RNF185: variants seen among roughly 807,000 people sequenced by gnomAD.
The protein encoded by RNF185 is ring finger protein 185.
Under a neutral mutation model 24.9 loss-of-function variants are expected in RNF185, and 13 were observed. That is an observed-to-expected ratio of 0.52 (90% CI 0.34 to 0.83). The LOEUF is 0.83. RNF185 is among the 40% of genes least tolerant of loss of function. The pLI, the probability that RNF185 is intolerant of heterozygous loss-of-function variation, is 0.01. For missense variants in RNF185, 184 were observed against 244.7 expected, an observed-to-expected ratio of 0.75 and a Z score of 1.65; for synonymous variants, 79 against 90.3, an observed-to-expected ratio of 0.88 and a Z score of 0.71.
rs759793719 is a variant in RNF185 at position 31,171,336 on chromosome 22, A to AT, written c.-49+11048dup. Among the ~76,000 whole-genome samples, 790 of 136,796 alleles carry AT rather than the reference A, an allele frequency of 5.8e-3. 5 individuals carry two copies. Among genetic ancestry groups the AT allele is most frequent in the Middle Eastern group, 0.038 (10 of 262 alleles). The allele number at this position is 136,796 out of a possible 152,430, so 89.7% of individuals were successfully genotyped here. On this transcript the variant is annotated intron_variant, in intron 1 of 6. Coordinates refer to ENST00000326132, the MANE Select transcript of RNF185 (RefSeq NM_152267.4). ...AGGCGCCCACCACTATGACCAGCTA[A>AT]TTTTTTTTTTTTTTTGGTGTTTTTA...
rs569842510 is a variant in RNF185, at chr22:31,202,856, C to T, written c.481+1241C>T. On this transcript the variant is annotated intron_variant, in intron 6 of 6. Coordinates refer to ENST00000326132, the MANE Select transcript of RNF185 (RefSeq NM_152267.4). ...GTCTCGATCTCCTGACCTCGTGATCCGCCCGCCTGGGCCTCCCAATGTGCT... is the reference window on the plus strand; with the variant it reads ...GTCTCGATCTCCTGACCTCGTGATCTGCCCGCCTGGGCCTCCCAATGTGCT... Among the ~76,000 whole-genome samples the T allele has an allele frequency of 4.0e-3, 610 of 152,246 alleles. 4 individuals are homozygous for T. Among genetic ancestry groups the T allele is most frequent in the South Asian group, 0.014 (66 of 4,832 alleles).
chr22:31,189,633 G>GTT (rs2048137055), intron 2 of RNF185, among the ~76,000 whole-genome samples: 1 of 145,916 alleles, frequency 6.9e-6, no homozygotes, highest in African/African-American at 2.6e-5. Flanking sequence ...TAGAGACGAA[G>GTT]TCTTGCTTTG....
intron 1 of RNF185, among the ~76,000 whole-genome samples, chr22:31,178,531 T>C (rs1242773384): frequency 2.0e-5 from 3 of 152,186 alleles, no homozygotes; most frequent in South Asian, 2.1e-4. Context: ...ACCAGATCTT[T>C]CGTGGGGTGA....
intron 2 of RNF185, 125 bp downstream of exon 2, chr22:31,187,395 A>C (rs1027390775): frequency 9.8e-7 from 1 of 1,018,528 alleles, no homozygotes; most frequent in African/African-American, 1.6e-5. Flanking sequence ...AAGGGACAAG[A>C]GACCTGAGTT....
At chr22:31,198,255 A>AT (rs1258520065) in intron 5 of RNF185, among the ~76,000 whole-genome samples, 1 of 151,584 alleles carries the variant, frequency 6.6e-6, no homozygotes. Flanking sequence ...GTTTTTTATT[A>AT]TTTTTTATTT....
chr22:31,197,913 G>T (rs2048222245), intron 5 of RNF185, among the ~76,000 whole-genome samples: 1 of 151,860 alleles, frequency 6.6e-6, no homozygotes, highest in Admixed American at 6.6e-5. Context: ...AAGATTACTG[G>T]CTAAAAAAAA....
chr22:31,163,756 C>T (rs1923732742), intron 1 of RNF185, among the ~76,000 whole-genome samples: 1 of 151,678 alleles, frequency 6.6e-6, no homozygotes, highest in South Asian at 2.1e-4. Flanking sequence ...TCACTGTAAC[C>T]TCCACCTCCC....
chr22:31,179,802 A>G (rs893748395), intron 1 of RNF185, among the ~76,000 whole-genome samples: 1 of 151,952 alleles, frequency 6.6e-6, no homozygotes, highest in African/African-American at 2.4e-5. Context: ...GGCCATGCAC[A>G]GCTTTGTTGG....
At chr22:31,181,911 A>G (rs1355118975) in intron 1 of RNF185, among the ~76,000 whole-genome samples, 1 of 151,918 alleles carries the variant, frequency 6.6e-6, no homozygotes, top group Non-Finnish European at 1.5e-5. Context: ...GTAAATGACG[A>G]GTTAATGGGT....
intron 3 of RNF185, among the ~76,000 whole-genome samples, chr22:31,194,284 C>CAA (rs767166717): frequency 5.9e-5 from 9 of 151,960 alleles, no homozygotes; most frequent in Non-Finnish European, 1.2e-4. Context: ...TAGGTGAATG[C>CAA]AAAAAATCAA....
chr22:31,201,466 C>G (rs772638437), intron 5 of RNF185, 32 bp from the exon 6 acceptor site: 47 of 1,523,176 alleles, frequency 3.1e-5, no homozygotes, highest in Non-Finnish European at 3.7e-5. Flanking sequence ...CTGCCTGATT[C>G]TCCTGCCCTT....
intron 1 of RNF185, among the ~76,000 whole-genome samples, chr22:31,170,314 G>A (rs1000130857): frequency 2.0e-5 from 3 of 151,584 alleles, no homozygotes; most frequent in Admixed American, 6.6e-5. Flanking sequence ...TCAGCCCCCC[G>A]AGTAGCTGGG....
chr22:31,167,122 T>C (rs1172615272), intron 1 of RNF185, among the ~76,000 whole-genome samples: 1 of 152,212 alleles, frequency 6.6e-6, no homozygotes, highest in Non-Finnish European at 1.5e-5. Context: ...TCTTAAAATT[T>C]TTTTTATTGT....
intron 5 of RNF185, among the ~76,000 whole-genome samples, chr22:31,198,976 T>C (rs2048236020): frequency 6.6e-6 from 1 of 151,240 alleles, no homozygotes; most frequent in Non-Finnish European, 1.5e-5. Context: ...GGCATGTGCC[T>C]GTAGTCCCAG....
At chr22:31,174,111 C>A (rs1334321995) in intron 1 of RNF185, among the ~76,000 whole-genome samples, 1 of 152,170 alleles carries the variant, frequency 6.6e-6, no homozygotes, top group African/African-American at 2.4e-5. Flanking sequence ...TGTTTTATCT[C>A]TATTTCTTAG....
At chr22:31,181,394 G>C (rs1333797143) in intron 1 of RNF185, among the ~76,000 whole-genome samples, 1 of 151,958 alleles carries the variant, frequency 6.6e-6, no homozygotes, top group Non-Finnish European at 1.5e-5. Context: ...CACACACACA[G>C]ACTATTACAG....
chr22:31,205,788 G>T lies in RNF185; in HGVS notation c.*1202G>T, dbSNP rs181903594. On this transcript the variant is annotated 3_prime_UTR_variant, in exon 7 of 7. Transcript: ENST00000326132. ...TGTAAAGCCAGGTGGCAGGGCCTTG[G>T]GGAGCCCCAGCACAATGATATTGTG... 2.0e-5 allele frequency: 3 copies of T among 152,286 alleles called. No individual in the cohort carries two copies. The highest frequency in any genetic ancestry group is 4.4e-5 in the Non-Finnish European group (3 of 68,094). 9.4% of individuals were successfully genotyped at this position (152,286 alleles called of 1,614,324 possible).
At chr22:31,164,272 C>T (rs1923768000) in intron 1 of RNF185, among the ~76,000 whole-genome samples, 1 of 152,072 alleles carries the variant, frequency 6.6e-6, no homozygotes, top group African/African-American at 2.4e-5. Flanking sequence ...TGAGCCACTG[C>T]GCCTGGCCTT....
At chr22:31,187,869 C>G (rs917701246) in intron 2 of RNF185, among the ~76,000 whole-genome samples, 2 of 152,022 alleles carry the variant, frequency 1.3e-5, no homozygotes, top group Non-Finnish European at 2.9e-5. Flanking sequence ...TTACAGGAGC[C>G]CTTTCTGGCT....
Sources: allele counts gnomAD v4.1 joint callset (sites outside exome capture counted in the v4.1 genomes callset), GRCh38; gene constraint gnomAD v4.1.1; transcripts MANE v1.5; gene names NCBI Gene and HGNC (gene_info 2026-07-23, HGNC 2026-07-21).